The following EMID1 variants were observed in gnomAD, a reference collection of about 807,000 sequenced individuals.
EMID1 encodes EMI domain-containing protein 1.
Under a neutral mutation model 60.6 loss-of-function variants are expected in EMID1, and 40 were observed. That is an observed-to-expected ratio of 0.66 (90% CI 0.51 to 0.86). The LOEUF (loss-of-function observed/expected upper bound fraction) is 0.86, where lower values mean the gene tolerates loss of function less well. EMID1 is among the 40% of genes least tolerant of loss of function. The pLI, the probability that EMID1 is intolerant of heterozygous loss-of-function variation, is 0.00. For synonymous variants in EMID1, 242 were observed against 231.0 expected, an observed-to-expected ratio of 1.05 and a Z score of -0.43; for missense variants, 585 against 597.1, an observed-to-expected ratio of 0.98 and a Z score of 0.21.
At chr22:29,232,544 C>T (rs2040791370) in intron 8 of EMID1, 142 bp downstream of exon 8, 1 of 947,606 alleles carries the variant, frequency 1.1e-6, no homozygotes, top group East Asian at 2.8e-5. Flanking sequence ...CCAGCAGGCG[C>T]CGTTGTCCTC....
chr22:29,241,546 G>A (rs929931094), intron 12 of EMID1, among the ~76,000 whole-genome samples: 9 of 151,164 alleles, frequency 6.0e-5, no homozygotes, highest in East Asian at 2.0e-4. Context: ...CTGCCACCAC[G>A]CCCAGCTAAT....
At chr22:29,213,779 G>A (rs1035757171) in intron 1 of EMID1, among the ~76,000 whole-genome samples, 2 of 152,164 alleles carry the variant, frequency 1.3e-5, no homozygotes, top group African/African-American at 2.4e-5. Flanking sequence ...CTCAAGCCTG[G>A]GGTCAGCAGG....
chr22:29,208,038 C>A (rs554391939), intron 1 of EMID1, among the ~76,000 whole-genome samples: 1 of 152,318 alleles, frequency 6.6e-6, no homozygotes, highest in South Asian at 2.1e-4. Flanking sequence ...CTTCTTTCCT[C>A]GTGGGAAGGA....
intron 3 of EMID1, among the ~76,000 whole-genome samples, chr22:29,222,490 C>T (rs991838082): frequency 2.0e-5 from 3 of 149,466 alleles, no homozygotes; most frequent in African/African-American, 4.9e-5. Context: ...CTGCAACCTC[C>T]GCTCCCAGGT....
chr22:29,233,433 G>A lies in EMID1; in HGVS notation c.878G>A (p.Gly293Glu). 2.5e-6 allele frequency: 4 copies of A among 1,614,194 alleles called. No homozygotes were observed. Among genetic ancestry groups the A allele is most frequent in the Non-Finnish European group, 2.5e-6 (3 of 1,180,004 alleles). ...GAGACCAACAACCACTGGCCCCAGG[G>A]ACCCACTGGGCCTCCAGGCCCTCCA... ...FTETNNHWPQGPTGPPGPPGP... is the reference protein window; with the variant it reads ...FTETNNHWPQEPTGPPGPPGP... Residue 293 changes from glycine (G) to glutamate (E), a missense_variant, in exon 9 of 15, where the codon GGA becomes GAA. Transcript: ENST00000334018.
chr22:29,250,961 A>G (rs2041508133), intron 13 of EMID1, among the ~76,000 whole-genome samples: 1 of 151,416 alleles, frequency 6.6e-6, no homozygotes, highest in South Asian at 2.1e-4. Flanking sequence ...TGTGTTGCCC[A>G]GGCTGGAGTG....
At chr22:29,227,867 T>G (rs908465414) in intron 5 of EMID1, among the ~76,000 whole-genome samples, 1 of 151,464 alleles carries the variant, frequency 6.6e-6, no homozygotes, top group Non-Finnish European at 1.5e-5. Context: ...TACAAAAAAT[T>G]AGCCGGGGCC....
At chr22:29,222,352 C>G (rs548293679) in intron 3 of EMID1, among the ~76,000 whole-genome samples, 1 of 151,870 alleles carries the variant, frequency 6.6e-6, no homozygotes, top group African/African-American at 2.4e-5. Context: ...CTTCAGCCTC[C>G]CAAAGTGCTA....
rs1236807913 is a variant in EMID1 at position 29,239,175 on chromosome 22, T to G, written c.1075-4270T>G. Among the ~76,000 whole-genome samples the G allele has an allele frequency of 7.6e-5, 11 of 145,242 alleles. No homozygotes were observed. In the East Asian group the frequency reaches 2.2e-3, roughly 29 times the overall value. ...ATCATCAGGCTTAGAGATTCTTTCCTCAGCCATGTCCAGTCCACGAATAAG... is the reference window on the plus strand; with the variant it reads ...ATCATCAGGCTTAGAGATTCTTTCCGCAGCCATGTCCAGTCCACGAATAAG... On this transcript the variant is annotated intron_variant, in intron 12 of 14. Transcript: ENST00000334018.
At chr22:29,233,922 A>AC in intron 10 of EMID1, 1 of 665,216 alleles carries the variant, frequency 1.5e-6, no homozygotes, top group Non-Finnish European at 2.5e-6. Flanking sequence ...TTCTTGTGCC[A>AC]GCACATGGCA....
Position 29,206,139 on chromosome 22 carries a change from G to A in EMID1, c.101G>A (p.Arg34Lys). 9.8e-6 allele frequency: 12 copies of A among 1,230,620 alleles called. No individual in the cohort carries two copies. Among genetic ancestry groups the A allele is most frequent in the Non-Finnish European group, 1.2e-5 (12 of 986,980 alleles). 76.2% of individuals were successfully genotyped at this position (1,230,620 alleles called of 1,614,324 possible). ...GGGGCAGCTCCGTTCTCCGGACGCA[G>A]GTAAGAGCTCCCGGCGCCTTTGCAC... ...SIGAAPFSGR[R>K]NWCSYVVTRT... The change falls in exon 1 of 15, where the codon AGG (arginine) becomes AAG (lysine). Residue 34 changes from arginine to lysine, a missense_variant and splice_region_variant. Physicochemically the swap from Arg to Lys is conservative, Grantham distance 26. Coordinates refer to ENST00000334018, the MANE Select transcript of EMID1 (RefSeq NM_133455.4).
chr22:29,214,619 G>A (rs949503166), intron 1 of EMID1, among the ~76,000 whole-genome samples: 1 of 152,192 alleles, frequency 6.6e-6, no homozygotes, highest in East Asian at 1.9e-4. Flanking sequence ...TTGGAGAGGA[G>A]AGAAGTTGGG....
chr22:29,216,878 T>A (rs931977162), intron 3 of EMID1, among the ~76,000 whole-genome samples: 1 of 152,168 alleles, frequency 6.6e-6, no homozygotes, highest in Admixed American at 6.5e-5. Context: ...AGACGCCCCA[T>A]GCCAAACACC....
chr22:29,215,655 G>A (rs766125864), intron 3 of EMID1, 25 bp downstream of exon 3: 1 of 1,601,548 alleles, frequency 6.2e-7, no homozygotes, highest in Admixed American at 1.7e-5. Flanking sequence ...CCGGCTCCCG[G>A]AGCCCTGCGA....
intron 1 of EMID1, among the ~76,000 whole-genome samples, chr22:29,210,833 G>A (rs999606209): frequency 6.6e-6 from 1 of 152,236 alleles, no homozygotes; most frequent in Non-Finnish European, 1.5e-5. Context: ...GCATGTGAGG[G>A]CTGTTGTCCA....
chr22:29,256,926 A>C (rs2041727473), intron 14 of EMID1, among the ~76,000 whole-genome samples: 1 of 152,170 alleles, frequency 6.6e-6, no homozygotes, highest in Non-Finnish European at 1.5e-5. Context: ...TAGAAACTTC[A>C]GTGCCTAGCT....
intron 14 of EMID1, among the ~76,000 whole-genome samples, chr22:29,258,303 G>T (rs1569013947): frequency 6.6e-6 from 1 of 152,162 alleles, no homozygotes; most frequent in African/African-American, 2.4e-5. Context: ...AACTGTCCCT[G>T]TTTCAGAGAT....
Position 29,258,832 on chromosome 22 carries a change from C to G in EMID1, c.1220C>G (p.Ser407Cys). 6.2e-7 allele frequency: 1 copy of G among 1,613,178 alleles called. No homozygotes were observed. Among genetic ancestry groups the G allele is most frequent in the Non-Finnish European group, 8.5e-7 (1 of 1,179,810 alleles). The change falls in exon 15 of 15, where the codon TCT becomes TGT. Residue 407 changes from serine to cysteine, a missense_variant. Transcript: ENST00000334018. ...CCTCCGGCAGAACCAGAGCTGGGGTCTGGGGCGGGCCCTGCCGGCACAGGC... is the reference window on the plus strand; with the variant it reads ...CCTCCGGCAGAACCAGAGCTGGGGTGTGGGGCGGGCCCTGCCGGCACAGGC... ...MIGLYEPELG[S>C]GAGPAGTGTP...
rs16987272 is a variant in EMID1 at position 29,216,473 on chromosome 22, G to C, written c.319+843G>C. ...GGCCCAGAACCATCCTGAGAACCAG[G>C]CCCAGAGACAGCTCAAGGGACAGAA... On this transcript the variant is annotated intron_variant, in intron 3 of 14. Coordinates refer to ENST00000334018, the MANE Select transcript of EMID1 (RefSeq NM_133455.4). 6.8e-3 allele frequency: 6,684 copies of C among 985,428 alleles called. 352 individuals are homozygous for C. The African/African-American group carries it at 0.11, about 16-fold the overall frequency. The allele number at this position is 985,428 out of a possible 1,614,324, so 61.0% of individuals were successfully genotyped here.
Sources: allele counts gnomAD v4.1 joint callset (sites outside exome capture counted in the v4.1 genomes callset), GRCh38; gene constraint gnomAD v4.1.1; transcripts MANE v1.5; gene names NCBI Gene and HGNC (gene_info 2026-07-23, HGNC 2026-07-21).